The following PIP5K1A variants were observed in gnomAD, a reference collection of about 807,000 sequenced individuals.
The protein encoded by PIP5K1A is phosphatidylinositol 4-phosphate 5-kinase type-1 alpha.
A neutral mutation model predicts 72.9 loss-of-function variants in PIP5K1A; 46 were observed. The ratio of observed to expected loss-of-function variants is 0.63; its 90% CI spans 0.50 to 0.81. The LOEUF is 0.81. Ranked by LOEUF, PIP5K1A falls within the 30% of genes least tolerant of loss-of-function variation. PIP5K1A has a pLI of 0.00. For missense variants in PIP5K1A, 458 were observed against 706.1 expected, an observed-to-expected ratio of 0.65 and a Z score of 3.98; for synonymous variants, 228 against 255.1, an observed-to-expected ratio of 0.89 and a Z score of 1.01.
intron 8 of PIP5K1A, 29 bp downstream of exon 8, chr1:151,234,525 C>G: frequency 6.3e-7 from 1 of 1,583,028 alleles, no homozygotes; most frequent in Non-Finnish European, 8.7e-7. Flanking sequence ...CATCAAAAAT[C>G]TCAGTTACTA....
Position 151,247,872 on chromosome 1 carries a change from A to T in PIP5K1A, c.*7A>T, listed in dbSNP as rs1216233389. ...CACTCTCCCTTTTCAGTAAGCGCAA[A>T]GCCTCAGAAGACCTGGAACAAGATT... On this transcript the variant is annotated 3_prime_UTR_variant, in exon 16 of 16. Coordinates refer to ENST00000368888, the MANE Select transcript of PIP5K1A (RefSeq NM_001135638.2). The T allele has an allele frequency of 2.5e-6, 4 of 1,610,340 alleles. No individual in the cohort carries two copies. The highest frequency in any genetic ancestry group is 3.4e-6 in the Non-Finnish European group (4 of 1,176,762).
In PIP5K1A at chr1:151,242,275, C is replaced by T. The variant is rs587686759; in HGVS notation, c.1510+6C>T. ...AAAGGCAGAAGTGGAGCCAGGTCAGCGCTAGGGCTGGGGTCCCCATGTGAT... is the reference window on the plus strand; with the variant it reads ...AAAGGCAGAAGTGGAGCCAGGTCAGTGCTAGGGCTGGGGTCCCCATGTGAT... On this transcript the variant is annotated splice_donor_region_variant and intron_variant, in intron 13 of 15. Transcript: ENST00000368888. 1.4e-5 allele frequency: 22 copies of T among 1,614,082 alleles called. No individual in the cohort carries two copies. Among genetic ancestry groups the T allele is most frequent in the Admixed American group, 1.0e-4 (6 of 60,008 alleles).
In PIP5K1A at chr1:151,216,018, C is replaced by G. The variant is rs587687018; in HGVS notation, c.86-8227C>G. ...TAAGAGAGGTAGATCTGATGTGTATCTGTGCTAAAGAAGCATGAGCTCCTT... is the reference window on the plus strand; with the variant it reads ...TAAGAGAGGTAGATCTGATGTGTATGTGTGCTAAAGAAGCATGAGCTCCTT... On this transcript the variant is annotated intron_variant, in intron 1 of 15. Transcript: ENST00000368888. The G allele has an allele frequency of 6.3e-6, 8 of 1,268,450 alleles. No homozygotes were observed. The African/African-American group carries it at 1.2e-4, about 19-fold the overall frequency. 78.6% of individuals were successfully genotyped at this position (1,268,450 alleles called of 1,614,324 possible).
At chr1:151,220,332 T>C (rs987900686) in intron 1 of PIP5K1A, among the ~76,000 whole-genome samples, 1 of 152,014 alleles carries the variant, frequency 6.6e-6, no homozygotes, top group Non-Finnish European at 1.5e-5. Flanking sequence ...AAAAGCCAAC[T>C]CAGATCAAGA....
chr1:151,224,760 T>C (rs1688868322), intron 3 of PIP5K1A, among the ~76,000 whole-genome samples: 1 of 152,202 alleles, frequency 6.6e-6, no homozygotes, highest in African/African-American at 2.4e-5. Context: ...GAAGAACTTT[T>C]AGCCATGCAG....
chr1:151,243,147 A>T (rs587660948), intron 14 of PIP5K1A, among the ~76,000 whole-genome samples: 1 of 152,228 alleles, frequency 6.6e-6, no homozygotes, highest in African/African-American at 2.4e-5. Context: ...CAGGAGGTGC[A>T]GGGATCATTG....
intron 1 of PIP5K1A, among the ~76,000 whole-genome samples, chr1:151,203,134 T>G (rs1280200690): frequency 6.6e-6 from 1 of 152,072 alleles, no homozygotes; most frequent in Admixed American, 6.6e-5. Context: ...GAGGCTTGAT[T>G]TGAAGTTAGT....
chr1:151,195,883 G>GTTTTTTTT (rs1558218879), upstream of PIP5K1A, among the ~76,000 whole-genome samples: 5 of 50,328 alleles, frequency 9.9e-5, no homozygotes, highest in South Asian at 6.4e-4. Context: ...AACACCAGCC[G>GTTTTTTTT]ATTTTTTTTT....
intron 1 of PIP5K1A, among the ~76,000 whole-genome samples, chr1:151,204,299 C>G (rs1685636959): frequency 6.6e-6 from 1 of 152,168 alleles, no homozygotes; most frequent in African/African-American, 2.4e-5. Flanking sequence ...GCCTCTGCCT[C>G]CTGAGTAGGT....
chr1:151,234,727 G>A (rs1027784764), intron 8 of PIP5K1A, among the ~76,000 whole-genome samples: 12 of 152,184 alleles, frequency 7.9e-5, no homozygotes, highest in African/African-American at 2.7e-4. Context: ...GGGCCTCACA[G>A]TCAAATGTTC....
At chr1:151,205,407 C>G (rs910225018) in intron 1 of PIP5K1A, among the ~76,000 whole-genome samples, 3 of 152,028 alleles carry the variant, frequency 2.0e-5, no homozygotes, top group Non-Finnish European at 4.4e-5. Context: ...AACTCCTGGC[C>G]TCAAGCGATC....
chr1:151,232,726 C>A, intron 7 of PIP5K1A, 23 bp downstream of exon 7: 1 of 1,603,456 alleles, frequency 6.2e-7, no homozygotes, highest in South Asian at 1.1e-5. Context: ...GAAGCACTGT[C>A]CACCTGTGCT....
chr1:151,196,712 C>G (rs1684580586), upstream of PIP5K1A, among the ~76,000 whole-genome samples: 1 of 151,552 alleles, frequency 6.6e-6, no homozygotes, highest in Non-Finnish European at 1.5e-5. Flanking sequence ...CAGGAATGCT[C>G]CACTACGCCT....
chr1:151,216,900 GTTTTTTTT>G (rs78155966), intron 1 of PIP5K1A, among the ~76,000 whole-genome samples: 2 of 136,790 alleles, frequency 1.5e-5, no homozygotes, highest in African/African-American at 5.5e-5. Context: ...CTTAGTAAAT[GTTTTTTTT>G]TTTTTTTTTT....
Position 151,198,774 on chromosome 1 carries a change from A to G in PIP5K1A, c.-223A>G. On this transcript the variant is annotated 5_prime_UTR_variant, in exon 1 of 16. Transcript: ENST00000368888. Reference sequence around the variant, plus strand: ...CTGTGGAAAGCGGTTAAACTTGTGGAGGGGGTGCGGGACGTGAGTTCTTCC... The same window carrying G: ...CTGTGGAAAGCGGTTAAACTTGTGGGGGGGGTGCGGGACGTGAGTTCTTCC... 3.2e-6 allele frequency: 2 copies of G among 624,964 alleles called. No individual in the cohort carries two copies. Among genetic ancestry groups the G allele is most frequent in the South Asian group, 1.9e-5 (1 of 53,108 alleles). 38.7% of individuals were successfully genotyped at this position (624,964 alleles called of 1,614,324 possible).
At chr1:151,241,674 C>T (rs1407415449) in intron 12 of PIP5K1A, among the ~76,000 whole-genome samples, 5 of 151,968 alleles carry the variant, frequency 3.3e-5, no homozygotes, top group Non-Finnish European at 5.9e-5. Context: ...GTGGCGCATG[C>T]CTGTAATCCT....
At chr1:151,216,016 A>G in intron 1 of PIP5K1A, 1 of 1,271,904 alleles carries the variant, frequency 7.9e-7, no homozygotes, top group Admixed American at 2.3e-5. Flanking sequence ...TCTGATGTGT[A>G]TCTGTGCTAA....
chr1:151,199,191 A>T, intron 1 of PIP5K1A, 110 bp downstream of exon 1: 2 of 1,573,514 alleles, frequency 1.3e-6, no homozygotes, highest in Non-Finnish European at 1.7e-6. Flanking sequence ...GTTACCGGTA[A>T]GTGGGCGCGA....
chr1:151,233,017 G>A (rs1312432330), intron 7 of PIP5K1A, among the ~76,000 whole-genome samples: 1 of 149,450 alleles, frequency 6.7e-6, no homozygotes, highest in East Asian at 2.0e-4. Flanking sequence ...GGAGAATGGC[G>A]TGAATCTGGG....
Sources: gnomAD v4.1 joint callset for allele counts (sites outside exome capture counted in the v4.1 genomes callset) on GRCh38, gnomAD v4.1.1 for gene constraint, MANE v1.5 for transcripts, NCBI Gene and HGNC (gene_info 2026-07-23, HGNC 2026-07-21) for gene names.